GLRA2: variants seen among roughly 807,000 people sequenced by gnomAD.
GLRA2 encodes glycine receptor alpha 2.
Under a neutral mutation model 31.6 loss-of-function variants are expected in GLRA2, and 11 were observed. The observed-to-expected ratio is 0.35, with a 90% CI of 0.22 to 0.58. The LOEUF (loss-of-function observed/expected upper bound fraction) is 0.58, where lower values mean the gene tolerates loss of function less well. GLRA2 is among the 20% of genes least tolerant of loss of function. The pLI is 0.84. For missense variants in GLRA2, 212 were observed against 351.8 expected (o/e 0.60, Z 3.18); for synonymous variants, 132 against 134.0 (o/e 0.99, Z 0.10).
At chrX:14,721,457 CT>C (rs1011980511) in intron 8 of GLRA2, among the ~76,000 whole-genome samples, 3 of 111,144 alleles carry the variant, frequency 2.7e-5, no homozygotes, top group African/African-American at 9.8e-5. Context: ...ATTATAAGCC[CT>C]TGTTATCTTA....
chrX:14,603,137 A>G (rs1392152919), intron 4 of GLRA2, among the ~76,000 whole-genome samples: 1 of 105,872 alleles, frequency 9.4e-6, no homozygotes, highest in Non-Finnish European at 1.9e-5. Context: ...GTAAGGTGGT[A>G]TCGCATTGTG....
chrX:14,478,321 G>A, the GLRA2 span, among the ~76,000 whole-genome samples: 1 of 111,451 alleles, frequency 9.0e-6, no homozygotes, highest in Non-Finnish European at 1.9e-5. Context: ...TGCAGCCAAA[G>A]GAGTCGTAAG....
At chrX:14,558,806 A>G (rs2089685757) in intron 2 of GLRA2, among the ~76,000 whole-genome samples, 1 of 110,657 alleles carries the variant, frequency 9.0e-6, no homozygotes, top group Non-Finnish European at 1.9e-5. Context: ...TTAGGTGTTA[A>G]TTAATTGCTT....
At chrX:14,600,920 C>T (rs1469090380) in intron 4 of GLRA2, among the ~76,000 whole-genome samples, 4 of 110,182 alleles carry the variant, frequency 3.6e-5, no homozygotes, top group African/African-American at 1.3e-4. Context: ...AAAATAGATT[C>T]TCATTATGGT....
chrX:14,510,463 G>A, the GLRA2 span, among the ~76,000 whole-genome samples: 3 of 111,486 alleles, frequency 2.7e-5, no homozygotes, highest in Non-Finnish European at 5.7e-5. Context: ...GGCCCCCAGA[G>A]GTATAGAGCA....
At chrX:14,602,955 G>A (rs756034097) in intron 4 of GLRA2, among the ~76,000 whole-genome samples, 34 of 111,375 alleles carry the variant, frequency 3.1e-4, no homozygotes, top group Non-Finnish European at 5.5e-4. Flanking sequence ...TAGTGGGATC[G>A]CTGGAACAAA....
At chrX:14,609,241 G>T (rs1323220884) in intron 7 of GLRA2, 36 bp downstream of exon 7, 2 of 938,918 alleles carry the variant, frequency 2.1e-6, no homozygotes, top group Admixed American at 4.6e-5. Context: ...TGACATGAAA[G>T]CTTCCCAAAG....
intron 2 of GLRA2, among the ~76,000 whole-genome samples, chrX:14,555,163 T>C (rs2089625721): frequency 8.9e-6 from 1 of 112,091 alleles, no homozygotes; most frequent in Non-Finnish European, 1.9e-5. Context: ...GATACTATGC[T>C]TGAGAAAAGT....
intron 2 of GLRA2, among the ~76,000 whole-genome samples, chrX:14,560,011 A>G (rs1036561527): frequency 9.0e-6 from 1 of 111,679 alleles, no homozygotes; most frequent in Non-Finnish European, 1.9e-5. Flanking sequence ...AGGAAGCCAT[A>G]ATAAGAAACA....
chrX:14,458,442 G>T, the GLRA2 span, among the ~76,000 whole-genome samples: 1 of 111,939 alleles, frequency 8.9e-6, no homozygotes, highest in Non-Finnish European at 1.9e-5. Flanking sequence ...CTGAGGAATT[G>T]CCACACTGAC....
At chrX:14,459,902 T>A in the GLRA2 span, among the ~76,000 whole-genome samples, 1 of 112,175 alleles carries the variant, frequency 8.9e-6, no homozygotes, top group East Asian at 2.8e-4. Flanking sequence ...GAACGTCCAA[T>A]ACTGTGTTGA....
intron 2 of GLRA2, among the ~76,000 whole-genome samples, chrX:14,542,370 A>G (rs2089417170): frequency 8.9e-6 from 1 of 111,920 alleles, no homozygotes; most frequent in Non-Finnish European, 1.9e-5. Flanking sequence ...ATGTCTTACA[A>G]TTAGGGCCTG....
At chrX:14,718,749 C>T (rs1385692047) in intron 8 of GLRA2, among the ~76,000 whole-genome samples, 1 of 111,699 alleles carries the variant, frequency 9.0e-6, no homozygotes, top group Non-Finnish European at 1.9e-5. Flanking sequence ...ATGGCAGCCT[C>T]AGGGTAGTTG....
At chrX:14,457,114 T>G in the GLRA2 span, among the ~76,000 whole-genome samples, 1 of 112,372 alleles carries the variant, frequency 8.9e-6, no homozygotes. Context: ...TGATTAGTGA[T>G]GTTGAGCTTT....
chrX:14,588,383 T>A (rs2090105587), intron 4 of GLRA2, among the ~76,000 whole-genome samples: 1 of 111,861 alleles, frequency 8.9e-6, no homozygotes, highest in Non-Finnish European at 1.9e-5. Flanking sequence ...TTGTCAAAGA[T>A]CAGCTGGTTG....
intron 8 of GLRA2, among the ~76,000 whole-genome samples, chrX:14,699,193 G>C (rs1314581069): frequency 1.8e-5 from 2 of 111,851 alleles, no homozygotes; most frequent in African/African-American, 6.5e-5. Context: ...AGAAATATGT[G>C]CACCATGTGA....
the GLRA2 span, among the ~76,000 whole-genome samples, chrX:14,488,093 C>T: frequency 6.3e-5 from 7 of 111,564 alleles, no homozygotes; most frequent in East Asian, 1.7e-3. Flanking sequence ...GCATACTCCC[C>T]TCATCTCTTG....
chrX:14,689,874 T>C (rs772481718), intron 7 of GLRA2, among the ~76,000 whole-genome samples: 68 of 112,134 alleles, frequency 6.1e-4, no homozygotes, highest in African/African-American at 2.2e-3. Context: ...GCATTTTCCA[T>C]TGCAAGCAAA....
chrX:14,457,129 T>A, the GLRA2 span, among the ~76,000 whole-genome samples: 3,885 of 112,154 alleles, frequency 0.035, 161 homozygotes, highest in African/African-American at 0.12. Context: ...AGCTTTTTTT[T>A]AAATTTTTTT....
Sources: gnomAD v4.1 joint callset for allele counts (sites outside exome capture counted in the v4.1 genomes callset) on GRCh38, gnomAD v4.1.1 for gene constraint, MANE v1.5 for transcripts, NCBI Gene and HGNC (gene_info 2026-07-23, HGNC 2026-07-21) for gene names.